The following LRMDA variants were observed in gnomAD, a reference collection of about 807,000 sequenced individuals.
LRMDA encodes the protein leucine rich melanocyte differentiation associated.
LRMDA carries 18 observed loss-of-function variants against 29.8 expected under a neutral mutation model. The ratio of observed to expected loss-of-function variants is 0.60; its 90% CI spans 0.42 to 0.90. The LOEUF (loss-of-function observed/expected upper bound fraction) is 0.90. LRMDA is among the 40% of genes least tolerant of loss of function. LRMDA has a pLI of 0.00. For synonymous variants in LRMDA, 125 were observed against 109.4 expected (o/e 1.14, Z -0.89); for missense variants, 273 against 273.9 (o/e 1.00, Z 0.02).
intron 2 of LRMDA, among the ~76,000 whole-genome samples, chr10:75,905,070 A>G (rs746582106): frequency 7.2e-5 from 11 of 152,150 alleles, no homozygotes; most frequent in Non-Finnish European, 1.0e-4. Context: ...GACAGGCACA[A>G]TTTCACAAGT....
At chr10:75,769,356 A>T (rs1843208382) in intron 2 of LRMDA, among the ~76,000 whole-genome samples, 1 of 152,240 alleles carries the variant, frequency 6.6e-6, no homozygotes, top group Non-Finnish European at 1.5e-5. Context: ...CTGCACAAAA[A>T]GACTATGTGG....
chr10:75,584,473 T>C (rs1047026442), intron 2 of LRMDA, among the ~76,000 whole-genome samples: 7 of 152,222 alleles, frequency 4.6e-5, no homozygotes, highest in Admixed American at 3.9e-4. Context: ...AATTTGTATT[T>C]TGAGGACACA....
chr10:76,091,297 G>A (rs1589322813), intron 5 of LRMDA, among the ~76,000 whole-genome samples: 1 of 151,800 alleles, frequency 6.6e-6, no homozygotes, highest in African/African-American at 2.4e-5. Context: ...GTGTGTGTGT[G>A]TGTGTGTGTG....
At chr10:76,397,270 C>T (rs919158918) in intron 6 of LRMDA, among the ~76,000 whole-genome samples, 131 of 152,136 alleles carry the variant, frequency 8.6e-4, no homozygotes, top group East Asian at 7.8e-4. Flanking sequence ...AGGTCCCAGG[C>T]GGCTCCCCAG....
intron 2 of LRMDA, among the ~76,000 whole-genome samples, chr10:75,560,174 G>A (rs1246158417): frequency 2.0e-5 from 3 of 151,864 alleles, no homozygotes; most frequent in South Asian, 4.2e-4. Flanking sequence ...AGCATGGAAT[G>A]TTCTTCCATT....
intron 6 of LRMDA, among the ~76,000 whole-genome samples, chr10:76,460,527 A>G (rs879859939): frequency 5.3e-5 from 8 of 152,238 alleles, no homozygotes; most frequent in Non-Finnish European, 1.2e-4. Context: ...ATGATCACAT[A>G]TCGTGAATGC....
At chr10:76,023,312 G>A (rs374197208) in intron 2 of LRMDA, among the ~76,000 whole-genome samples, 1 of 152,072 alleles carries the variant, frequency 6.6e-6, no homozygotes, top group African/African-American at 2.4e-5. Flanking sequence ...TCCTAGTTTG[G>A]GTTGCTCTGA....
intron 2 of LRMDA, among the ~76,000 whole-genome samples, chr10:75,839,870 G>A (rs914388827): frequency 4.7e-4 from 71 of 151,930 alleles, no homozygotes; most frequent in African/African-American, 1.6e-3. Context: ...CACCGCGCCC[G>A]GCTAAGTTTT....
In LRMDA at chr10:76,324,472, C is replaced by T; in HGVS notation, c.588C>T (p.Leu196=). The T allele has an allele frequency of 1.9e-6, 3 of 1,614,098 alleles. No individual in the cohort carries two copies. The highest frequency in any genetic ancestry group is 2.5e-6 in the Non-Finnish European group (3 of 1,180,016). The change falls in exon 6 of 7, where the codon CTC becomes CTT. Residue 196 remains leucine, a synonymous_variant. Transcript: ENST00000611255. ...YTPLPSASRE[L]TSHQGVLGKC... ...CCTTGCCTTCTGCTTCCAGGGAACTCACCAGTCACCAAGGTTGGAACTCAG... is the reference window on the plus strand; with the variant it reads ...CCTTGCCTTCTGCTTCCAGGGAACTTACCAGTCACCAAGGTTGGAACTCAG...
intron 2 of LRMDA, among the ~76,000 whole-genome samples, chr10:75,484,425 A>C (rs1037948422): frequency 6.6e-6 from 1 of 152,154 alleles, no homozygotes. Flanking sequence ...TAATATATTT[A>C]ATGGTTATCT....
chr10:76,214,928 C>T (rs1480184118), intron 5 of LRMDA, among the ~76,000 whole-genome samples: 1 of 152,196 alleles, frequency 6.6e-6, no homozygotes, highest in African/African-American at 2.4e-5. Flanking sequence ...ATAAATTCTG[C>T]CTGGATTAAA....
At chr10:75,724,731 C>G (rs1243498023) in intron 2 of LRMDA, among the ~76,000 whole-genome samples, 1 of 152,142 alleles carries the variant, frequency 6.6e-6, no homozygotes, top group Admixed American at 6.6e-5. Flanking sequence ...TTCTTCTAGC[C>G]ACTGTAAAAA....
At chr10:75,444,580 C>A (rs1401050280) in intron 2 of LRMDA, among the ~76,000 whole-genome samples, 2 of 152,158 alleles carry the variant, frequency 1.3e-5, no homozygotes, top group Non-Finnish European at 1.5e-5. Flanking sequence ...GTTTAGGGAG[C>A]TGATCAGGTA....
intron 6 of LRMDA, among the ~76,000 whole-genome samples, chr10:76,373,375 A>G (rs1841478047): frequency 6.6e-6 from 1 of 152,180 alleles, no homozygotes; most frequent in Non-Finnish European, 1.5e-5. Flanking sequence ...GCAAACAGCA[A>G]AAAATAAAAG....
chr10:75,997,086 A>G (rs1002039682), intron 2 of LRMDA, among the ~76,000 whole-genome samples: 2 of 152,192 alleles, frequency 1.3e-5, no homozygotes, highest in Admixed American at 1.3e-4. Context: ...CATATTCATT[A>G]TAGAAATTTT....
intron 2 of LRMDA, among the ~76,000 whole-genome samples, chr10:75,454,540 A>G (rs1021688842): frequency 3.3e-5 from 5 of 152,114 alleles, no homozygotes; most frequent in African/African-American, 1.2e-4. Flanking sequence ...GTGGGGTGTT[A>G]ATTTTGTTCC....
intron 2 of LRMDA, among the ~76,000 whole-genome samples, chr10:75,805,397 C>G (rs1164931655): frequency 6.6e-6 from 1 of 152,120 alleles, no homozygotes; most frequent in Non-Finnish European, 1.5e-5. Context: ...ACTGAAGGAA[C>G]CTTGGAGGTT....
intron 2 of LRMDA, among the ~76,000 whole-genome samples, chr10:75,790,059 A>G (rs888997367): frequency 2.6e-5 from 4 of 152,184 alleles, no homozygotes; most frequent in African/African-American, 7.2e-5. Context: ...GACAGAAGCT[A>G]TGGAGAAGAA....
rs545596110 is a variant in LRMDA at position 76,218,232 on chromosome 10, G to C, written c.517-106169G>C. 6.0e-4 allele frequency among the ~76,000 whole-genome samples: 91 copies of C among 152,326 alleles called. 4 individuals carry two copies. The South Asian group carries it at 0.019, about 31-fold the overall frequency. On this transcript the variant is annotated intron_variant, in intron 5 of 6. Coordinates refer to ENST00000611255, the MANE Select transcript of LRMDA (RefSeq NM_001305581.2). Reference sequence around the variant, plus strand: ...AAAGAGGTCCTTTTACACAGTGCTTGTAATGGAGTGGAAAATTGCATTTCC... The same window carrying C: ...AAAGAGGTCCTTTTACACAGTGCTTCTAATGGAGTGGAAAATTGCATTTCC...
Sources: allele counts gnomAD v4.1 joint callset (sites outside exome capture counted in the v4.1 genomes callset), GRCh38; gene constraint gnomAD v4.1.1; transcripts MANE v1.5; gene names NCBI Gene and HGNC (gene_info 2026-07-23, HGNC 2026-07-21).